Variants in XKR9 observed in about 807,000 individuals in gnomAD.
The protein encoded by XKR9 is XK-related protein 9.
In XKR9, 32 loss-of-function variants were observed where a neutral mutation model predicts 32.0. The ratio of observed to expected loss-of-function variants is 1.00; its 90% CI spans 0.76 to 1.34. XKR9 has a LOEUF of 1.34. Ranked by LOEUF, XKR9 falls within the 40% of genes most tolerant of loss-of-function variation. The pLI, the probability that XKR9 is intolerant of heterozygous loss-of-function variation, is 0.00. For synonymous variants in XKR9, 168 were observed against 143.4 expected, an observed-to-expected ratio of 1.17 and a Z score of -1.22; for missense variants, 546 against 429.7, an observed-to-expected ratio of 1.27 and a Z score of -2.39.
chr8:70,814,117 A>G, the XKR9 span, among the ~76,000 whole-genome samples: 5 of 152,222 alleles, frequency 3.3e-5, no homozygotes, highest in African/African-American at 7.2e-5. Context: ...GCAGCCATAA[A>G]AAATGAAGAG....
At chr8:70,753,080 G>A (rs1475666500) in intron 2 of XKR9, among the ~76,000 whole-genome samples, 2 of 152,238 alleles carry the variant, frequency 1.3e-5, no homozygotes, top group Non-Finnish European at 2.9e-5. Context: ...TGATAAAGGG[G>A]ACATCACCAC....
At chr8:71,064,544 G>T in the XKR9 span, among the ~76,000 whole-genome samples, 2 of 152,110 alleles carry the variant, frequency 1.3e-5, no homozygotes, top group African/African-American at 4.8e-5. Context: ...TCAATGAAAA[G>T]CTCATTGAAT....
the XKR9 span, among the ~76,000 whole-genome samples, chr8:70,909,532 T>A: frequency 6.6e-6 from 1 of 151,874 alleles, no homozygotes; most frequent in Non-Finnish European, 1.5e-5. Flanking sequence ...ATAAGTGAAT[T>A]ATTTGACATC....
the XKR9 span, among the ~76,000 whole-genome samples, chr8:70,964,575 A>G: frequency 6.6e-6 from 1 of 151,686 alleles, no homozygotes; most frequent in Admixed American, 6.6e-5. Flanking sequence ...CATTTTAATG[A>G]TATCCATGAG....
At chr8:70,695,244 G>A (rs1398016385) in intron 3 of XKR9, among the ~76,000 whole-genome samples, 4 of 146,448 alleles carry the variant, frequency 2.7e-5, no homozygotes, top group Non-Finnish European at 6.0e-5. Context: ...AGTTACATAT[G>A]TATACATGTG....
At chr8:70,817,022 G>A in the XKR9 span, among the ~76,000 whole-genome samples, 4 of 151,996 alleles carry the variant, frequency 2.6e-5, no homozygotes, top group African/African-American at 9.7e-5. Context: ...TCAAGAGAAA[G>A]AGAAAACAGA....
chr8:70,776,947 C>CTATATATA lies in XKR9; in HGVS notation n.353-12382_353-12375dup, dbSNP rs1554556847. ...TTTCTCTCTCTCTCTCTCTCTCTCTCTATATATATATATATATGTATGTAT... is the reference window on the plus strand; with the variant it reads ...TTTCTCTCTCTCTCTCTCTCTCTCTCTATATATATATATATATATATATATGTATGTAT... On this transcript the variant is annotated intron_variant and non_coding_transcript_variant, in intron 2 of 3. Transcript: ENST00000520273. 4.8e-4 allele frequency among the ~76,000 whole-genome samples: 26 copies of CTATATATA among 54,210 alleles called. No individual in the cohort carries two copies. In the East Asian group the frequency reaches 6.1e-3, roughly 13 times the overall value. The allele number at this position is 54,210 out of a possible 152,430, so 35.6% of individuals were successfully genotyped here. A position where few individuals can be genotyped will look rare whatever the true frequency, so the allele number is the denominator to read the frequency against.
rs749004408 is a variant in XKR9, at chr8:70,733,773, T to G, written c.494-23T>G. The G allele has an allele frequency of 5.4e-6, 8 of 1,494,014 alleles. No homozygotes were observed. The South Asian group carries it at 1.1e-4, about 21-fold the overall frequency. 92.5% of individuals were successfully genotyped at this position (1,494,014 alleles called of 1,614,324 possible). ...TTTCTATTATTCCTATAACAATATA[T>G]TTTTTATTTTTTTGTTTTGTAGATG... On this transcript the variant is annotated intron_variant, in intron 4 of 4. Coordinates refer to ENST00000408926, the MANE Select transcript of XKR9 (RefSeq NM_001011720.2).
chr8:70,775,567 T>C (rs1335594563), intron 2 of XKR9, among the ~76,000 whole-genome samples: 2 of 152,184 alleles, frequency 1.3e-5, no homozygotes, highest in East Asian at 3.9e-4. Flanking sequence ...GATGCTCTGA[T>C]ATCTTTTTAA....
the XKR9 span, among the ~76,000 whole-genome samples, chr8:70,950,795 T>C: frequency 6.6e-6 from 1 of 152,144 alleles, no homozygotes; most frequent in Non-Finnish European, 1.5e-5. Context: ...TGCCTCAGCC[T>C]CCCAAGTAGC....
At chr8:70,676,560 A>G (rs1045745920) in intron 2 of XKR9, among the ~76,000 whole-genome samples, 4 of 152,186 alleles carry the variant, frequency 2.6e-5, no homozygotes, top group Non-Finnish European at 4.4e-5. Context: ...TTAGCTTGCT[A>G]TGTAGGTTTC....
the XKR9 span, among the ~76,000 whole-genome samples, chr8:70,900,602 A>G: frequency 6.6e-6 from 1 of 151,320 alleles, no homozygotes; most frequent in East Asian, 1.9e-4. Flanking sequence ...AATTAAATGA[A>G]TAAATAAATA....
chr8:70,990,761 GAGAGAGAA>G, the XKR9 span, among the ~76,000 whole-genome samples: 6 of 144,520 alleles, frequency 4.2e-5, no homozygotes, highest in African/African-American at 1.3e-4. Context: ...GAGAGAGAGA[GAGAGAGAA>G]AGAGAGAGAG....
At chr8:70,837,120 T>G in the XKR9 span, among the ~76,000 whole-genome samples, 5 of 152,090 alleles carry the variant, frequency 3.3e-5, no homozygotes, top group African/African-American at 1.2e-4. Flanking sequence ...AGTTGCACTC[T>G]GTTATAGTAC....
At chr8:70,869,065 A>G in the XKR9 span, among the ~76,000 whole-genome samples, 16 of 152,078 alleles carry the variant, frequency 1.1e-4, no homozygotes, top group Non-Finnish European at 1.5e-4. Context: ...TCAGCACTGG[A>G]CTTTATTTTC....
intron 2 of XKR9, among the ~76,000 whole-genome samples, chr8:70,675,589 C>T (rs1450331309): frequency 6.6e-6 from 1 of 152,174 alleles, no homozygotes; most frequent in Non-Finnish European, 1.5e-5. Flanking sequence ...GCAGCTGGTC[C>T]ATGTCTTGAA....
At chr8:70,860,091 A>G in the XKR9 span, among the ~76,000 whole-genome samples, 2 of 152,186 alleles carry the variant, frequency 1.3e-5, no homozygotes, top group African/African-American at 2.4e-5. Flanking sequence ...AAAAAATCAC[A>G]TGTACTTCAT....
downstream of XKR9, among the ~76,000 whole-genome samples, chr8:70,790,970 G>A (rs1192936078): frequency 2.6e-5 from 4 of 151,940 alleles, no homozygotes; most frequent in Non-Finnish European, 5.9e-5. Context: ...TCTGCTATGA[G>A]GGCACTAATC....
the XKR9 span, among the ~76,000 whole-genome samples, chr8:70,974,690 C>A: frequency 6.6e-6 from 1 of 152,186 alleles, no homozygotes. Flanking sequence ...AATAGTGCCA[C>A]TATAAACATA....
Sources: gnomAD v4.1 joint callset for allele counts (sites outside exome capture counted in the v4.1 genomes callset) on GRCh38, gnomAD v4.1.1 for gene constraint, MANE v1.5 for transcripts, NCBI Gene and HGNC (gene_info 2026-07-23, HGNC 2026-07-21) for gene names.